TRAPPC8: variants seen among roughly 807,000 people sequenced by gnomAD.
The protein encoded by TRAPPC8 is trafficking protein particle complex subunit 8, also known as general sporulation gene 1 homolog.
In TRAPPC8, 54 loss-of-function variants were observed where a neutral mutation model predicts 174.3. The ratio of observed to expected loss-of-function variants is 0.31; its 90% confidence interval spans 0.25 to 0.39. The LOEUF is 0.39. TRAPPC8 is among the 10% of genes least tolerant of loss of function. TRAPPC8 has a pLI of 1.00. For synonymous variants in TRAPPC8, 630 were observed against 579.9 expected (o/e 1.09, Z -1.24); for missense variants, 1,531 against 1,699.1 (o/e 0.90, Z 1.74).
At chr18:31,924,587 T>A (rs1374630142) in intron 2 of TRAPPC8, among the ~76,000 whole-genome samples, 8 of 150,924 alleles carry the variant, frequency 5.3e-5, no homozygotes, top group Non-Finnish European at 1.2e-4. Context: ...ATCATGAAAC[T>A]CTGTCTCCAC....
chr18:31,903,966 T>C (rs569987801), intron 9 of TRAPPC8, among the ~76,000 whole-genome samples: 1 of 152,304 alleles, frequency 6.6e-6, no homozygotes, highest in African/African-American at 2.4e-5. Context: ...TTAAGCACAG[T>C]GCCACATGCC....
At chr18:31,916,611 C>T (rs2037158257) in intron 3 of TRAPPC8, among the ~76,000 whole-genome samples, 165 bp from the exon 4 acceptor site, 1 of 152,198 alleles carries the variant, frequency 6.6e-6, no homozygotes. Context: ...CGACTCAACA[C>T]AACCTCCGCC....
intron 2 of TRAPPC8, among the ~76,000 whole-genome samples, chr18:31,920,516 C>G (rs533925176): frequency 5.7e-4 from 86 of 152,156 alleles, no homozygotes; most frequent in Admixed American, 1.5e-3. Flanking sequence ...AAAAGAGGAA[C>G]TAGGACTGAA....
At chr18:31,854,697 G>A (rs1384244833) in intron 21 of TRAPPC8, among the ~76,000 whole-genome samples, 2 of 152,054 alleles carry the variant, frequency 1.3e-5, no homozygotes, top group Non-Finnish European at 2.9e-5. Context: ...GGCCGAGCAC[G>A]GTGGCTCACG....
At chr18:31,904,543 A>G (rs2036578834) in intron 9 of TRAPPC8, among the ~76,000 whole-genome samples, 1 of 152,192 alleles carries the variant, frequency 6.6e-6, no homozygotes. Context: ...AGAAGAAAAA[A>G]CAAATAATGA....
At chr18:31,880,167 T>A (rs2035378838) in intron 12 of TRAPPC8, among the ~76,000 whole-genome samples, 1 of 142,864 alleles carries the variant, frequency 7.0e-6, no homozygotes, top group African/African-American at 2.6e-5. Context: ...ACTAATATCA[T>A]CCTGATATCA....
At chr18:31,897,230 CAAT>C (rs920962944) in intron 11 of TRAPPC8, among the ~76,000 whole-genome samples, 12 of 152,082 alleles carry the variant, frequency 7.9e-5, no homozygotes, top group African/African-American at 2.4e-4. Context: ...CAATGTAACT[CAAT>C]AATATTTGTT....
At chr18:31,887,388 G>A (rs1273272872) in intron 12 of TRAPPC8, among the ~76,000 whole-genome samples, 1 of 152,182 alleles carries the variant, frequency 6.6e-6, no homozygotes, top group Non-Finnish European at 1.5e-5. Flanking sequence ...ACTCACGCCT[G>A]TAATCCCAGC....
chr18:31,852,415 A>G (rs761979309), intron 24 of TRAPPC8, 31 bp downstream of exon 24: 1 of 1,611,778 alleles, frequency 6.2e-7, no homozygotes, highest in Non-Finnish European at 8.5e-7. Flanking sequence ...CTATGACTTA[A>G]CATCAAACAC....
chr18:31,857,517 T>G, intron 20 of TRAPPC8, 23 bp downstream of exon 20: 1 of 1,530,630 alleles, frequency 6.5e-7, no homozygotes, highest in South Asian at 1.3e-5. Flanking sequence ...GATGTTAAAT[T>G]TTATAAGTTT....
chr18:31,911,930 G>C (rs963475852), intron 5 of TRAPPC8, among the ~76,000 whole-genome samples: 5 of 148,514 alleles, frequency 3.4e-5, no homozygotes, highest in African/African-American at 5.0e-5. Context: ...TCGATTATCT[G>C]AACTAAGCAT....
In TRAPPC8 at chr18:31,834,358, C is replaced by T. The variant is rs546868645; in HGVS notation, c.3984-2185G>A. ...CTCCTGACCTCAGGAGATCCGCCCG[C>T]CTTGGCCTCCCAAAGTGCTGGGATT... On this transcript the variant is annotated intron_variant, in intron 27 of 28. Transcript: ENST00000283351. Among the ~76,000 whole-genome samples, 4 of 152,272 alleles carry T rather than the reference C, an allele frequency of 2.6e-5. No individual in the cohort carries two copies. In the South Asian group the frequency reaches 8.3e-4, roughly 32 times the overall value.
intron 1 of TRAPPC8, among the ~76,000 whole-genome samples, chr18:31,934,485 T>C (rs2037993671): frequency 6.6e-6 from 1 of 152,268 alleles, no homozygotes; most frequent in East Asian, 1.9e-4. Context: ...GTCAGTCTAA[T>C]TATGCAGCAG....
chr18:31,939,655 G>A (rs1054157172), intron 1 of TRAPPC8: 9 of 152,214 alleles, frequency 5.9e-5, no homozygotes, highest in African/African-American at 1.4e-4. Context: ...AGTGGTCCGA[G>A]ACGAGCCTGG....
intron 4 of TRAPPC8, among the ~76,000 whole-genome samples, chr18:31,915,667 C>A (rs1290431200): frequency 1.3e-5 from 2 of 152,050 alleles, no homozygotes; most frequent in Admixed American, 6.6e-5. Context: ...GAGGCCCAGG[C>A]AGGCGGATCA....
intron 26 of TRAPPC8, among the ~76,000 whole-genome samples, chr18:31,846,361 C>A (rs1270187319): frequency 6.6e-6 from 1 of 151,996 alleles, no homozygotes; most frequent in East Asian, 1.9e-4. Context: ...ATCGCTTGAG[C>A]CCAGGAGTTC....
chr18:31,869,565 A>C (rs952897913), intron 16 of TRAPPC8, among the ~76,000 whole-genome samples: 8 of 152,208 alleles, frequency 5.3e-5, no homozygotes, highest in African/African-American at 1.9e-4. Context: ...AGCCACACAC[A>C]AAAAAGTGCA....
At chr18:31,849,397 G>A (rs2033586731) in intron 25 of TRAPPC8, among the ~76,000 whole-genome samples, 169 bp downstream of exon 25, 1 of 151,664 alleles carries the variant, frequency 6.6e-6, no homozygotes, top group African/African-American at 2.4e-5. Context: ...TATCTAATTT[G>A]AATGAATTCT....
chr18:31,941,978 C>T (rs2038364338), intron 1 of TRAPPC8, among the ~76,000 whole-genome samples: 1 of 152,152 alleles, frequency 6.6e-6, no homozygotes, highest in Non-Finnish European at 1.5e-5. Context: ...TTAAATTAAC[C>T]ACAACTTGGG....
Sources: gnomAD v4.1 joint callset for allele counts (sites outside exome capture counted in the v4.1 genomes callset) on GRCh38, gnomAD v4.1.1 for gene constraint, MANE v1.5 for transcripts, NCBI Gene and HGNC (gene_info 2026-07-23, HGNC 2026-07-21) for gene names.